Variants in NLGN1 observed in about 807,000 individuals in gnomAD.
The protein encoded by NLGN1 is neuroligin-1.
In NLGN1, 12 loss-of-function variants were observed where a neutral mutation model predicts 65.5. The observed-to-expected ratio is 0.18, with a 90% CI of 0.12 to 0.30. NLGN1 has a LOEUF of 0.30. NLGN1 is among the 10% of genes least tolerant of loss of function. The pLI, the probability that NLGN1 is intolerant of heterozygous loss-of-function variation, is 1.00. For missense variants in NLGN1, 750 were observed against 1,007.1 expected, an observed-to-expected ratio of 0.74 and a Z score of 3.46; for synonymous variants, 350 against 359.5, an observed-to-expected ratio of 0.97 and a Z score of 0.30.
At chr3:173,524,834 G>T (rs1735359471) in intron 2 of NLGN1, among the ~76,000 whole-genome samples, 1 of 152,082 alleles carries the variant, frequency 6.6e-6, no homozygotes, top group Non-Finnish European at 1.5e-5. Flanking sequence ...TATAGTTTTG[G>T]TTTTTAATTG....
At chr3:173,916,326 ATC>A (rs943271607) in intron 4 of NLGN1, among the ~76,000 whole-genome samples, 5 of 152,200 alleles carry the variant, frequency 3.3e-5, no homozygotes, top group Admixed American at 2.6e-4. Context: ...GTAAAACATT[ATC>A]TATGGCATAC....
chr3:173,770,603 A>T (rs1779432962), intron 3 of NLGN1, among the ~76,000 whole-genome samples: 1 of 152,082 alleles, frequency 6.6e-6, no homozygotes, highest in Non-Finnish European at 1.5e-5. Context: ...CCTTTGAAGG[A>T]GTGTATGGTG....
intron 4 of NLGN1, among the ~76,000 whole-genome samples, chr3:174,274,478 C>A (rs1750134837): frequency 6.6e-6 from 1 of 151,542 alleles, no homozygotes; most frequent in Non-Finnish European, 1.5e-5. Context: ...CTTTGCCATT[C>A]TGTCAGTTCA....
chr3:173,668,006 C>A (rs1223790865), intron 3 of NLGN1, among the ~76,000 whole-genome samples: 1 of 152,184 alleles, frequency 6.6e-6, no homozygotes, highest in Non-Finnish European at 1.5e-5. Context: ...CTCATTCATT[C>A]ATGCGTGTAA....
At chr3:174,192,670 G>A (rs545776333) in intron 4 of NLGN1, among the ~76,000 whole-genome samples, 159 of 152,124 alleles carry the variant, frequency 1.0e-3, no homozygotes, top group African/African-American at 3.3e-3. Flanking sequence ...TTTTCTATTG[G>A]CCTATAAGCT....
chr3:173,673,369 C>T (rs1762709489), intron 3 of NLGN1, among the ~76,000 whole-genome samples: 1 of 152,104 alleles, frequency 6.6e-6, no homozygotes, highest in Admixed American at 6.6e-5. Flanking sequence ...TTCTATTTGC[C>T]ATGGTAGACT....
At chr3:173,774,702 C>G (rs1780045615) in intron 3 of NLGN1, among the ~76,000 whole-genome samples, 1 of 152,128 alleles carries the variant, frequency 6.6e-6, no homozygotes, top group Non-Finnish European at 1.5e-5. Context: ...ATCACTTGCT[C>G]TCTGTCTTCC....
rs140539556 is a variant in NLGN1, at chr3:173,539,266, G to A, written c.-320-65013G>A. On this transcript the variant is annotated intron_variant, in intron 2 of 6. Transcript: ENST00000457714. ...AGTCTCCATTAGGCCATAGGTGCTG[G>A]TGGGGAGAAAGAAGGCAGTGTAGCA... Among the ~76,000 whole-genome samples, 3 of 151,780 alleles carry A rather than the reference G, an allele frequency of 2.0e-5. No homozygotes were observed. In the East Asian group the frequency reaches 5.8e-4, roughly 29 times the overall value.
intron 2 of NLGN1, among the ~76,000 whole-genome samples, chr3:173,478,657 A>G (rs999126000): frequency 1.3e-5 from 2 of 152,212 alleles, no homozygotes; most frequent in African/African-American, 4.8e-5. Context: ...ACATTGGCTC[A>G]CACCTGTAAT....
upstream of NLGN1, chr3:173,397,980 G>A (rs1337786123): frequency 6.6e-6 from 1 of 152,290 alleles, no homozygotes; most frequent in African/African-American, 2.4e-5. Flanking sequence ...AAGCCTTAGA[G>A]CGGCGCCCCA....
chr3:174,034,337 A>G (rs766447934), intron 4 of NLGN1, among the ~76,000 whole-genome samples: 6 of 152,126 alleles, frequency 3.9e-5, no homozygotes, highest in Non-Finnish European at 8.8e-5. Flanking sequence ...AATTTTAGGC[A>G]GGAGGAAATT....
Position 173,807,837 on chromosome 3 carries a change from G to T in NLGN1, c.646+5G>T. On this transcript the variant is annotated splice_donor_5th_base_variant and intron_variant, in intron 4 of 6. Coordinates refer to ENST00000457714, the Ensembl canonical transcript of NLGN1. Reference sequence around the variant, plus strand: ...ACTATCGACTTGGAGTACTCGGTAAGAAGAGTCTCTCTTTTGTTTTCACCA... The same window carrying T: ...ACTATCGACTTGGAGTACTCGGTAATAAGAGTCTCTCTTTTGTTTTCACCA... 6.2e-7 allele frequency: 1 copy of T among 1,612,328 alleles called. No homozygotes were observed. The highest frequency in any genetic ancestry group is 1.3e-5 in the African/African-American group (1 of 74,998).
chr3:174,140,491 A>G (rs997902706), intron 4 of NLGN1, among the ~76,000 whole-genome samples: 12 of 152,130 alleles, frequency 7.9e-5, no homozygotes, highest in African/African-American at 2.9e-4. Flanking sequence ...ACCCTAGGAG[A>G]CAGGGAATAT....
chr3:173,663,076 G>C (rs151297470), intron 3 of NLGN1, among the ~76,000 whole-genome samples: 1 of 151,916 alleles, frequency 6.6e-6, no homozygotes. Context: ...AATTCAGTGG[G>C]ATAGATGGTA....
chr3:173,830,009 G>GGTTT (rs1553863537), intron 4 of NLGN1, among the ~76,000 whole-genome samples: 2 of 60,502 alleles, frequency 3.3e-5, no homozygotes, highest in African/African-American at 1.5e-4. Context: ...GGGTAGTGTG[G>GGTTT]GGGGGGGAGG....
intron 4 of NLGN1, among the ~76,000 whole-genome samples, chr3:173,868,227 G>T (rs533954747): frequency 6.6e-6 from 1 of 152,244 alleles, no homozygotes; most frequent in Admixed American, 6.5e-5. Flanking sequence ...GTGAGTATGG[G>T]CATGAGAGAA....
chr3:173,750,052 T>A (rs1776100128), intron 3 of NLGN1, among the ~76,000 whole-genome samples: 1 of 152,108 alleles, frequency 6.6e-6, no homozygotes, highest in Non-Finnish European at 1.5e-5. Flanking sequence ...TTTGTCCAGC[T>A]GGAAATTTGC....
At chr3:173,738,811 C>A (rs1016797153) in intron 3 of NLGN1, among the ~76,000 whole-genome samples, 6 of 151,986 alleles carry the variant, frequency 3.9e-5, no homozygotes, top group African/African-American at 1.4e-4. Context: ...TGTGTTGAAT[C>A]TGTAGATCAA....
chr3:173,521,266 A>G (rs1347405031), intron 2 of NLGN1, among the ~76,000 whole-genome samples: 1 of 152,198 alleles, frequency 6.6e-6, no homozygotes, highest in African/African-American at 2.4e-5. Flanking sequence ...GATACACTGT[A>G]TAATTTGTTC....
Sources: gnomAD v4.1 joint callset for allele counts (sites outside exome capture counted in the v4.1 genomes callset) on GRCh38, gnomAD v4.1.1 for gene constraint, MANE v1.5 for transcripts, NCBI Gene and HGNC (gene_info 2026-07-23, HGNC 2026-07-21) for gene names.